SIPA1L3: variants seen among roughly 807,000 people sequenced by gnomAD.
The protein encoded by SIPA1L3 is signal induced proliferation associated 1 like 3.
In SIPA1L3, 59 loss-of-function variants were observed where a neutral mutation model predicts 150.1. The observed-to-expected ratio is 0.39, with a 90% CI of 0.32 to 0.49. SIPA1L3 has a LOEUF of 0.49. SIPA1L3 is among the 20% of genes least tolerant of loss of function. The pLI is 0.86. For synonymous variants in SIPA1L3, 1,070 were observed against 1,077.6 expected (o/e 0.99, Z 0.14); for missense variants, 2,211 against 2,489.5 (o/e 0.89, Z 2.38).
At chr19:38,145,620 T>C (rs981472992) in intron 12 of SIPA1L3, among the ~76,000 whole-genome samples, 4 of 151,858 alleles carry the variant, frequency 2.6e-5, no homozygotes, top group African/African-American at 9.7e-5. Context: ...ACATCTTGTA[T>C]GGTTATAACG....
intron 15 of SIPA1L3, among the ~76,000 whole-genome samples, chr19:38,178,393 C>T (rs572686192): frequency 1.2e-3 from 182 of 151,812 alleles, no homozygotes; most frequent in Admixed American, 5.3e-3. Flanking sequence ...CCTAAGCCTC[C>T]CAGAGTGCTG....
chr19:37,919,591 G>A (rs185672066), intron 1 of SIPA1L3, among the ~76,000 whole-genome samples: 4 of 152,236 alleles, frequency 2.6e-5, no homozygotes, highest in East Asian at 3.9e-4. Flanking sequence ...ACGAACAGAT[G>A]GGGCAGACAA....
intron 2 of SIPA1L3, among the ~76,000 whole-genome samples, chr19:38,038,127 A>G (rs1968831429): frequency 6.6e-6 from 1 of 152,116 alleles, no homozygotes; most frequent in Admixed American, 6.6e-5. Flanking sequence ...TCTAGGCTGG[A>G]GATGCCAGAG....
At chr19:38,110,949 G>A (rs1051971287) in intron 8 of SIPA1L3, among the ~76,000 whole-genome samples, 3 of 124,544 alleles carry the variant, frequency 2.4e-5, no homozygotes, top group Admixed American at 9.3e-5. Flanking sequence ...GAGGAAAGTC[G>A]GAGGGAAGCA....
intron 2 of SIPA1L3, among the ~76,000 whole-genome samples, chr19:38,037,926 G>A (rs1231647766): frequency 2.0e-5 from 3 of 152,094 alleles, no homozygotes; most frequent in African/African-American, 7.2e-5. Flanking sequence ...TGTCTGTCAC[G>A]GTGCCTTCAT....
intron 4 of SIPA1L3, among the ~76,000 whole-genome samples, chr19:38,092,093 A>G (rs1194907072): frequency 6.6e-6 from 1 of 151,274 alleles, no homozygotes; most frequent in Non-Finnish European, 1.5e-5. Flanking sequence ...AATACAATAT[A>G]TAGGCAGGCA....
At chr19:38,187,732 A>G (rs1484326128) in intron 16 of SIPA1L3, among the ~76,000 whole-genome samples, 1 of 150,876 alleles carries the variant, frequency 6.6e-6, no homozygotes, top group Non-Finnish European at 1.5e-5. Context: ...AAAAAAAAAA[A>G]AAAAAGACAA....
chr19:37,993,843 T>G (rs1967571156), intron 1 of SIPA1L3, among the ~76,000 whole-genome samples: 3 of 152,178 alleles, frequency 2.0e-5, no homozygotes, highest in Non-Finnish European at 4.4e-5. Context: ...CTTGAAGCAT[T>G]TTAATAGCTG....
chr19:38,011,915 T>C (rs1354336283), intron 1 of SIPA1L3, among the ~76,000 whole-genome samples: 1 of 152,062 alleles, frequency 6.6e-6, no homozygotes, highest in East Asian at 1.9e-4. Context: ...GGATGTATTT[T>C]GGAGGTAGTG....
At position 38,198,389 on chromosome 19, in the gene SIPA1L3, C is replaced by T; in HGVS notation, c.4841C>T (p.Ser1614Phe). ...AAGSGFPEKK[S>F]TISASELSLA... ...TGCCATCTCCACCCTCCCCATCCAG[C>T]CACCATCTCAGCCTCGGAGCTCTCG... Residue 1614 changes from serine (S) to phenylalanine (F), a missense_variant and splice_region_variant, in exon 19 of 22, where the codon TCC (serine) becomes TTC (phenylalanine). This residue lies in a region of SIPA1L3 where 806 missense variants were observed against 870.1 expected (regional missense o/e 0.93). Coordinates refer to ENST00000222345, the MANE Select transcript of SIPA1L3 (RefSeq NM_015073.3). 1 of 1,546,716 alleles carries T rather than the reference C, an allele frequency of 6.5e-7. No individual in the cohort carries two copies. Among genetic ancestry groups the T allele is most frequent in the East Asian group, 2.4e-5 (1 of 41,266 alleles).
chr19:38,046,825 C>T lies in SIPA1L3; in HGVS notation c.-311+17669C>T, dbSNP rs112128266. On this transcript the variant is annotated intron_variant, in intron 2 of 21. Transcript: ENST00000222345. The surrounding 1 kb of genome is among the most constrained non-coding windows in gnomAD (Gnocchi z 5.6). ...TCTGCTGTACCCACAGCTGCCCGCT[C>T]AGAGCAAGGTGGCTCTGATCCTGCA... is the stretch of plus-strand genomic sequence containing the variant. Among the ~76,000 whole-genome samples, 614 of 152,276 alleles carry T rather than the reference C, an allele frequency of 4.0e-3. 5 individuals are homozygous for T. The highest frequency in any genetic ancestry group is 0.014 in the African/African-American group (588 of 41,554).
At chr19:38,061,739 G>A (rs967603565) in intron 2 of SIPA1L3, among the ~76,000 whole-genome samples, 17 of 151,562 alleles carry the variant, frequency 1.1e-4, no homozygotes, top group Non-Finnish European at 2.1e-4. Context: ...AGAGAGATGG[G>A]AACAGGCCCC....
intron 16 of SIPA1L3, among the ~76,000 whole-genome samples, chr19:38,186,644 C>T (rs916611604): frequency 4.0e-5 from 6 of 151,320 alleles, no homozygotes; most frequent in African/African-American, 9.7e-5. Flanking sequence ...TGTGAGCCAC[C>T]GCACCCGGCC....
chr19:38,151,541 A>G (rs1971821953), intron 12 of SIPA1L3, among the ~76,000 whole-genome samples: 2 of 152,148 alleles, frequency 1.3e-5, no homozygotes, highest in South Asian at 4.1e-4. Context: ...TCATCAGCCA[A>G]AATTTTGTCA....
In SIPA1L3 at chr19:37,965,521, G is replaced by T. The variant is rs981565981; in HGVS notation, c.-379+58163G>T. On this transcript the variant is annotated intron_variant, in intron 1 of 21. Transcript: ENST00000222345. ...AGTAAAGATGGGGTTTCACCATGTT[G>T]GCCAGGATGGTCTCAATCTCCTAAC... Among the ~76,000 whole-genome samples the T allele has an allele frequency of 2.6e-5, 4 of 151,984 alleles. No individual in the cohort carries two copies. In the East Asian group the frequency reaches 7.7e-4, roughly 29 times the overall value.
chr19:38,206,264 C>G lies in SIPA1L3; in HGVS notation c.*24C>G. 1.3e-6 allele frequency: 2 copies of G among 1,524,192 alleles called. No homozygotes were observed. The highest frequency in any genetic ancestry group is 2.5e-5 in the South Asian group (2 of 79,748). 94.4% of individuals were successfully genotyped at this position (1,524,192 alleles called of 1,614,324 possible). A position where few individuals can be genotyped will look rare whatever the true frequency, so the allele number is the denominator to read the frequency against. The stretch of plus-strand genomic sequence containing the variant: ...GAGGTGGGAGGCCGCCGCCCGCCTT[C>G]GCTCCTTCCCCTCAGGCCGTGGCCC... On this transcript the variant is annotated 3_prime_UTR_variant, in exon 22 of 22. Coordinates refer to ENST00000222345, the MANE Select transcript of SIPA1L3 (RefSeq NM_015073.3).
chr19:38,095,852 A>AG (rs1216628837), intron 4 of SIPA1L3, among the ~76,000 whole-genome samples: 2 of 152,192 alleles, frequency 1.3e-5, no homozygotes, highest in Admixed American at 6.5e-5. Context: ...GGGAGGAAGA[A>AG]GGAAGATTTC....
intron 2 of SIPA1L3, among the ~76,000 whole-genome samples, chr19:38,053,981 G>T (rs1040528082): frequency 1.3e-5 from 2 of 152,048 alleles, no homozygotes; most frequent in African/African-American, 4.8e-5. Flanking sequence ...AGGCAACTGA[G>T]GCACAAAGAG....
At chr19:37,912,071 A>AT (rs1032974283) in intron 1 of SIPA1L3, among the ~76,000 whole-genome samples, 3 of 151,584 alleles carry the variant, frequency 2.0e-5, no homozygotes, top group African/African-American at 7.3e-5. Flanking sequence ...GACTCCATCT[A>AT]TAAAAAAAAG....
Sources: allele counts gnomAD v4.1 joint callset (sites outside exome capture counted in the v4.1 genomes callset), GRCh38; gene constraint gnomAD v4.1.1; regional missense constraint gnomAD v4.1.1; non-coding constraint Gnocchi (gnomAD v3.1); transcripts MANE v1.5; gene names NCBI Gene and HGNC (gene_info 2026-07-23, HGNC 2026-07-21).